Variants in LSAMP observed in about 807,000 individuals in gnomAD.
The protein encoded by LSAMP is limbic system associated membrane protein, also known as limbic system-associated membrane protein.
Under a neutral mutation model 38.6 loss-of-function variants are expected in LSAMP, and 7 were observed. The observed-to-expected ratio is 0.18, with a 90% CI of 0.10 to 0.34. The LOEUF is 0.34. Ranked by LOEUF, LSAMP falls within the 10% of genes least tolerant of loss-of-function variation. The pLI, the probability that LSAMP is intolerant of heterozygous loss-of-function variation, is 1.00. For missense variants in LSAMP, 313 were observed against 420.0 expected, an observed-to-expected ratio of 0.75 and a Z score of 2.23; for synonymous variants, 154 against 166.8, an observed-to-expected ratio of 0.92 and a Z score of 0.59.
chr3:116,307,618 T>A lies in LSAMP; in HGVS notation c.155+137259A>T, dbSNP rs2047500602. The stretch of plus-strand genomic sequence containing the variant: ...ATACACAAAAATAGTCATGCACTAT[T>A]ATTCAAAATAGTAAAAGATTGGAGA... On this transcript the variant is annotated intron_variant, in intron 1 of 6. Transcript: ENST00000490035. Among the ~76,000 whole-genome samples, 4 of 152,054 alleles carry A rather than the reference T, an allele frequency of 2.6e-5. No individual in the cohort carries two copies. In the South Asian group the frequency reaches 8.3e-4, roughly 31 times the overall value.
At chr3:115,839,026 A>G (rs1934892465) in intron 6 of LSAMP, among the ~76,000 whole-genome samples, 1 of 152,096 alleles carries the variant, frequency 6.6e-6, no homozygotes, top group South Asian at 2.1e-4. Context: ...CGCTGCCCAC[A>G]CAGTGCTTCC....
chr3:116,203,739 T>C (rs1199245192), intron 1 of LSAMP, among the ~76,000 whole-genome samples: 1 of 152,092 alleles, frequency 6.6e-6, no homozygotes, highest in Non-Finnish European at 1.5e-5. Context: ...CTCATCATTT[T>C]TTATGGCTGC....
chr3:115,993,645 A>T (rs1435049415), intron 3 of LSAMP, among the ~76,000 whole-genome samples: 1 of 152,072 alleles, frequency 6.6e-6, no homozygotes, highest in South Asian at 2.1e-4. Context: ...AGACTTGAAC[A>T]TACATATTTT....
chr3:116,379,504 A>G (rs1160001329), intron 1 of LSAMP, among the ~76,000 whole-genome samples: 3 of 151,992 alleles, frequency 2.0e-5, no homozygotes, highest in African/African-American at 7.2e-5. Context: ...TTTTAACAGC[A>G]ATGGGAAGAC....
intron 6 of LSAMP, among the ~76,000 whole-genome samples, chr3:115,815,641 A>C (rs1267170558): frequency 6.6e-6 from 1 of 152,250 alleles, no homozygotes; most frequent in Non-Finnish European, 1.5e-5. Context: ...GAAATAAAAA[A>C]CAATGCTATG....
At position 115,810,229 on chromosome 3, in the gene LSAMP, CTCTCTCTCTCTCTCTG is replaced by C. The variant is rs1933774446; in HGVS notation, c.*72_*87del. On this transcript the variant is annotated 3_prime_UTR_variant, in exon 7 of 7. Coordinates refer to ENST00000490035, the MANE Select transcript of LSAMP (RefSeq NM_002338.5). ...AATAAACGGTCTCCCCCATCTCTCTCTCTCTCTCTCTCTCTGTCTCTCTCTCTCTGTATTCTGTGTG... is the reference window on the plus strand; with the variant it reads ...AATAAACGGTCTCCCCCATCTCTCTCTCTCTCTCTCTCTGTATTCTGTGTG... 64 of 902,942 alleles carry C rather than the reference CTCTCTCTCTCTCTCTG, an allele frequency of 7.1e-5. No homozygotes were observed. The highest frequency in any genetic ancestry group is 9.6e-5 in the Non-Finnish European group (57 of 594,166). The allele number at this position is 902,942 out of a possible 1,614,324, so 55.9% of individuals were successfully genotyped here.
chr3:116,164,762 T>TATATATATA (rs71999509), intron 1 of LSAMP, among the ~76,000 whole-genome samples: 2 of 36,178 alleles, frequency 5.5e-5, no homozygotes, highest in African/African-American at 2.2e-4. Flanking sequence ...ATATATATAT[T>TATATATATA]TTTTTTTTTT....
chr3:116,137,305 C>A (rs935320697), intron 1 of LSAMP, among the ~76,000 whole-genome samples: 1 of 151,964 alleles, frequency 6.6e-6, no homozygotes, highest in African/African-American at 2.4e-5. Context: ...TTTTGAGGAT[C>A]CAGGTGGACA....
chr3:116,164,440 C>A (rs1709980350), intron 1 of LSAMP, among the ~76,000 whole-genome samples: 1 of 149,756 alleles, frequency 6.7e-6, no homozygotes, highest in Admixed American at 6.7e-5. Flanking sequence ...GCGGTTTTTG[C>A]CATTAAAAGC....
At chr3:115,837,293 A>AT (rs34754406) in intron 6 of LSAMP, among the ~76,000 whole-genome samples, 24,087 of 149,792 alleles carry the variant, frequency 0.16, 2,941 homozygotes, top group African/African-American at 0.35. Flanking sequence ...CCCAGTGTAG[A>AT]TTTTTTTTTT....
intron 1 of LSAMP, chr3:116,369,936 C>T (rs2048408377): frequency 1.3e-5 from 2 of 152,514 alleles, no homozygotes; most frequent in South Asian, 4.1e-4. Context: ...CAGAAGAATC[C>T]AACCCTGGTG....
At chr3:116,403,504 A>G (rs1422600485) in intron 1 of LSAMP, among the ~76,000 whole-genome samples, 1 of 152,152 alleles carries the variant, frequency 6.6e-6, no homozygotes, top group East Asian at 1.9e-4. Context: ...GAAAAAAAAA[A>G]TCCCTTGGTA....
chr3:115,896,203 G>A (rs979686548), intron 3 of LSAMP, among the ~76,000 whole-genome samples: 1 of 151,890 alleles, frequency 6.6e-6, no homozygotes, highest in Non-Finnish European at 1.5e-5. Flanking sequence ...TTATAAATAA[G>A]ACAGCAAGGA....
At chr3:116,104,491 G>C (rs1464692879) in intron 1 of LSAMP, among the ~76,000 whole-genome samples, 1 of 151,870 alleles carries the variant, frequency 6.6e-6, no homozygotes, top group Non-Finnish European at 1.5e-5. Flanking sequence ...GTTCATCGGG[G>C]AGAAATCTAA....
At chr3:115,866,954 C>T (rs1935878616) in intron 3 of LSAMP, among the ~76,000 whole-genome samples, 1 of 151,802 alleles carries the variant, frequency 6.6e-6, no homozygotes, top group South Asian at 2.1e-4. Flanking sequence ...AGAATGGGTA[C>T]TTGTGGGAAT....
chr3:116,227,507 AC>A (rs2046355255), intron 1 of LSAMP, among the ~76,000 whole-genome samples: 1 of 152,254 alleles, frequency 6.6e-6, no homozygotes, highest in Non-Finnish European at 1.5e-5. Flanking sequence ...AGTATAGCTT[AC>A]ATCCAAAGTC....
Position 115,808,924 on chromosome 3 carries a change from ACAAT to A in LSAMP, c.*1389_*1392del, listed in dbSNP as rs1207777398. 2 of 152,234 alleles carry A rather than the reference ACAAT, an allele frequency of 1.3e-5. No homozygotes were observed. Among genetic ancestry groups the A allele is most frequent in the African/African-American group, 2.4e-5 (1 of 41,450 alleles). The allele number at this position is 152,234 out of a possible 1,614,324, so 9.4% of individuals were successfully genotyped here. ...CACTGTATTTTATCTGAAATAGGAA[ACAAT>A]CTCTGCTCAGGGGAATTCATGGGAC... is the stretch of plus-strand genomic sequence containing the variant. On this transcript the variant is annotated 3_prime_UTR_variant, in exon 7 of 7. Transcript: ENST00000490035.
At chr3:116,393,203 A>T (rs1046818932) in intron 1 of LSAMP, among the ~76,000 whole-genome samples, 2 of 152,172 alleles carry the variant, frequency 1.3e-5, no homozygotes, top group Admixed American at 6.5e-5. Flanking sequence ...AAAGAGAAGG[A>T]GAGAAGAGCT....
chr3:116,441,727 T>G (rs2049438342), intron 1 of LSAMP, among the ~76,000 whole-genome samples: 1 of 152,226 alleles, frequency 6.6e-6, no homozygotes, highest in African/African-American at 2.4e-5. Flanking sequence ...AGACTCTGTT[T>G]AGAAAAGCAC....
Sources: allele counts gnomAD v4.1 joint callset (sites outside exome capture counted in the v4.1 genomes callset), GRCh38; gene constraint gnomAD v4.1.1; transcripts MANE v1.5; gene names NCBI Gene and HGNC (gene_info 2026-07-23, HGNC 2026-07-21).